The following GALNT13 variants were observed in gnomAD, a reference collection of about 807,000 sequenced individuals.
The protein encoded by GALNT13 is UDP-GalNAc:polypeptide N-acetylgalactosaminyltransferase 13.
In GALNT13, 28 loss-of-function variants were observed where a neutral mutation model predicts 64.2. The ratio of observed to expected loss-of-function variants is 0.44; its 90% confidence interval spans 0.32 to 0.60. GALNT13 has a LOEUF of 0.60. Among genes scored for constraint, GALNT13 ranks in the 20% least tolerant of loss-of-function variants. The pLI, the probability that GALNT13 is intolerant of heterozygous loss-of-function variation, is 0.05. For synonymous variants in GALNT13, 214 were observed against 224.6 expected, an observed-to-expected ratio of 0.95 and a Z score of 0.42; for missense variants, 577 against 669.8, an observed-to-expected ratio of 0.86 and a Z score of 1.53.
chr2:153,805,093 ATAATG>A, the GALNT13 span, among the ~76,000 whole-genome samples: 1 of 151,954 alleles, frequency 6.6e-6, no homozygotes, highest in Non-Finnish European at 1.5e-5. Flanking sequence ...TAGATAGAAT[ATAATG>A]TAAATTATGA....
At chr2:153,956,216 C>T (rs1328193888) in intron 3 of GALNT13, among the ~76,000 whole-genome samples, 1 of 152,112 alleles carries the variant, frequency 6.6e-6, no homozygotes, top group Non-Finnish European at 1.5e-5. Flanking sequence ...CAACAGCAGT[C>T]ATAATCAGAG....
intron 4 of GALNT13, among the ~76,000 whole-genome samples, chr2:154,159,944 C>A (rs528613823): frequency 2.0e-5 from 3 of 152,258 alleles, no homozygotes; most frequent in African/African-American, 7.2e-5. Context: ...CCTCTTCAAT[C>A]CTTAAATTAT....
chr2:153,752,915 T>G, the GALNT13 span, among the ~76,000 whole-genome samples: 6 of 152,178 alleles, frequency 3.9e-5, no homozygotes, highest in Admixed American at 6.6e-5. Context: ...CTAGATCTTA[T>G]AGGCATGTTT....
chr2:154,392,435 C>T (rs1040668299), intron 9 of GALNT13, among the ~76,000 whole-genome samples: 1 of 152,120 alleles, frequency 6.6e-6, no homozygotes, highest in African/African-American at 2.4e-5. Context: ...TGTCCAGATG[C>T]GGTGATCTGG....
chr2:154,411,502 A>G (rs1699793220), intron 11 of GALNT13, among the ~76,000 whole-genome samples: 1 of 151,756 alleles, frequency 6.6e-6, no homozygotes, highest in African/African-American at 2.4e-5. Context: ...GGAGGTCTGC[A>G]TGTGTGTCAC....
At chr2:154,053,147 A>C (rs1699729393) in intron 3 of GALNT13, among the ~76,000 whole-genome samples, 1 of 152,210 alleles carries the variant, frequency 6.6e-6, no homozygotes, top group Non-Finnish European at 1.5e-5. Context: ...GTTCTTAAAG[A>C]TATCTGACAA....
the GALNT13 span, among the ~76,000 whole-genome samples, chr2:153,676,507 C>T: frequency 6.6e-6 from 1 of 152,130 alleles, no homozygotes; most frequent in African/African-American, 2.4e-5. Flanking sequence ...CTGCCTAGCT[C>T]ATTCTATAAG....
chr2:153,136,351 C>T, the GALNT13 span, among the ~76,000 whole-genome samples: 1 of 152,012 alleles, frequency 6.6e-6, no homozygotes, highest in Non-Finnish European at 1.5e-5. Flanking sequence ...CTGCATGTCT[C>T]GTTTTAAAAT....
intron 3 of GALNT13, among the ~76,000 whole-genome samples, chr2:154,092,407 CTA>C (rs1701859155): frequency 6.6e-6 from 1 of 151,944 alleles, no homozygotes; most frequent in Non-Finnish European, 1.5e-5. Flanking sequence ...TTTTGCTAGA[CTA>C]AATGAGATGT....
At chr2:153,087,680 C>G in the GALNT13 span, among the ~76,000 whole-genome samples, 1 of 151,744 alleles carries the variant, frequency 6.6e-6, no homozygotes, top group Non-Finnish European at 1.5e-5. Flanking sequence ...GTTTTTATTC[C>G]TTCCTGATTT....
the GALNT13 span, among the ~76,000 whole-genome samples, chr2:153,376,546 A>C: frequency 6.6e-6 from 1 of 152,180 alleles, no homozygotes; most frequent in East Asian, 1.9e-4. Context: ...TATATGAATA[A>C]AGAGGAATGC....
intron 4 of GALNT13, among the ~76,000 whole-genome samples, chr2:154,175,638 G>T (rs1685604964): frequency 6.6e-6 from 1 of 152,180 alleles, no homozygotes; most frequent in East Asian, 1.9e-4. Context: ...AACCCTCTGA[G>T]AATTAATTTT....
intron 3 of GALNT13, among the ~76,000 whole-genome samples, chr2:153,952,603 G>A (rs1461627965): frequency 1.3e-5 from 2 of 152,082 alleles, no homozygotes; most frequent in Admixed American, 6.5e-5. Context: ...GGGATATGAT[G>A]TTATGATATG....
intron 2 of GALNT13, among the ~76,000 whole-genome samples, chr2:153,942,176 C>T (rs554190258): frequency 2.6e-5 from 4 of 152,100 alleles, no homozygotes; most frequent in African/African-American, 7.2e-5. Context: ...TTAAGCCTCA[C>T]AATATTTTGT....
chr2:153,445,808 T>A, the GALNT13 span, among the ~76,000 whole-genome samples: 1 of 152,184 alleles, frequency 6.6e-6, no homozygotes, highest in Admixed American at 6.5e-5. Flanking sequence ...TACTTGATAG[T>A]GAATAATGAG....
chr2:154,170,001 C>G (rs1685265042), intron 4 of GALNT13, among the ~76,000 whole-genome samples: 1 of 152,120 alleles, frequency 6.6e-6, no homozygotes, highest in South Asian at 2.1e-4. Flanking sequence ...CAAGGCTCAA[C>G]TGAATTTCAG....
chr2:153,267,794 G>T, the GALNT13 span, among the ~76,000 whole-genome samples: 1 of 152,312 alleles, frequency 6.6e-6, no homozygotes, highest in African/African-American at 2.4e-5. Context: ...TTTCTCCTCA[G>T]AAAATGGGTT....
chr2:153,606,303 A>G, the GALNT13 span, among the ~76,000 whole-genome samples: 1 of 152,002 alleles, frequency 6.6e-6, no homozygotes, highest in South Asian at 2.1e-4. Flanking sequence ...CCTATTGAAG[A>G]TGTCATTTCT....
At chr2:153,444,213 C>T in the GALNT13 span, among the ~76,000 whole-genome samples, 1 of 152,286 alleles carries the variant, frequency 6.6e-6, no homozygotes, top group East Asian at 1.9e-4. Context: ...ACCTACCTAC[C>T]TACTTGCCTA....
Sources: allele counts gnomAD v4.1 joint callset (sites outside exome capture counted in the v4.1 genomes callset), GRCh38; gene constraint gnomAD v4.1.1; transcripts MANE v1.5; gene names NCBI Gene and HGNC (gene_info 2026-07-23, HGNC 2026-07-21).